Variants in FBXO36 observed in about 807,000 individuals in gnomAD.
FBXO36 encodes the protein F-box only protein 36.
In FBXO36, 18 loss-of-function variants were observed where a neutral mutation model predicts 17.0. The observed-to-expected ratio is 1.06, with a 90% CI of 0.73 to 1.57. The LOEUF (loss-of-function observed/expected upper bound fraction) is 1.57, where lower values mean the gene tolerates loss of function less well. Among genes scored for constraint, FBXO36 ranks in the 40% most tolerant of loss-of-function variants. FBXO36 has a pLI of 0.00. For missense variants in FBXO36, 229 were observed against 221.9 expected, an observed-to-expected ratio of 1.03 and a Z score of -0.20; for synonymous variants, 83 against 85.3, an observed-to-expected ratio of 0.97 and a Z score of 0.15.
At chr2:230,000,887 G>A (rs563624797) in intron 3 of FBXO36, among the ~76,000 whole-genome samples, 3 of 128,134 alleles carry the variant, frequency 2.3e-5, no homozygotes, top group African/African-American at 6.1e-5. Context: ...TCAGAGTCTC[G>A]CTCGGTCACC....
At chr2:230,008,469 G>C (rs191250376) in intron 3 of FBXO36, among the ~76,000 whole-genome samples, 1 of 151,978 alleles carries the variant, frequency 6.6e-6, no homozygotes, top group African/African-American at 2.4e-5. Flanking sequence ...TCAGGGTTTG[G>C]GAGTCATAGA....
chr2:229,935,916 G>C (rs1051441255), intron 1 of FBXO36, among the ~76,000 whole-genome samples: 2 of 152,168 alleles, frequency 1.3e-5, no homozygotes, highest in Admixed American at 6.6e-5. Flanking sequence ...GGCCAGGTGC[G>C]GTGGCTCACC....
chr2:229,996,574 T>C (rs1006965548), intron 2 of FBXO36, among the ~76,000 whole-genome samples, 177 bp from the exon 3 acceptor site: 1 of 152,144 alleles, frequency 6.6e-6, no homozygotes, highest in African/African-American at 2.4e-5. Context: ...TGGAAACAGA[T>C]GCCTCAAAAA....
chr2:229,999,144 T>TTGA (rs2077343971), intron 3 of FBXO36, among the ~76,000 whole-genome samples: 1 of 146,390 alleles, frequency 6.8e-6, no homozygotes, highest in Non-Finnish European at 1.5e-5. Flanking sequence ...TTTTTTTTTT[T>TTGA]GAGACAGAGT....
At chr2:229,970,524 T>A (rs943019667) in intron 1 of FBXO36, among the ~76,000 whole-genome samples, 1 of 152,180 alleles carries the variant, frequency 6.6e-6, no homozygotes, top group Non-Finnish European at 1.5e-5. Flanking sequence ...CTGACATGTT[T>A]ACAGCATCCT....
intron 1 of FBXO36, among the ~76,000 whole-genome samples, chr2:229,948,445 G>T (rs895391158): frequency 4.7e-5 from 7 of 149,336 alleles, no homozygotes; most frequent in Non-Finnish European, 7.4e-5. Context: ...ACCATTAGTT[G>T]CCCCCAATAT....
intron 1 of FBXO36, among the ~76,000 whole-genome samples, chr2:229,971,359 GA>G (rs1265894585): frequency 0.018 from 1,564 of 88,262 alleles, 14 homozygotes; most frequent in African/African-American, 0.039. Context: ...CATCTCAAAA[GA>G]AAAAAAAAAA....
chr2:230,009,103 G>C (rs756771955), intron 3 of FBXO36, among the ~76,000 whole-genome samples: 2 of 152,172 alleles, frequency 1.3e-5, no homozygotes, highest in Non-Finnish European at 2.9e-5. Flanking sequence ...ACTGCTTTCT[G>C]TTCAGAAGTG....
intron 1 of FBXO36, among the ~76,000 whole-genome samples, chr2:229,954,632 C>T (rs1416332042): frequency 6.7e-6 from 1 of 148,840 alleles, no homozygotes; most frequent in Non-Finnish European, 1.5e-5. Flanking sequence ...ACTGCAAGCT[C>T]CCCCTCCCAG....
chr2:229,924,991 A>G (rs1042309342), intron 1 of FBXO36, among the ~76,000 whole-genome samples: 19 of 152,118 alleles, frequency 1.2e-4, no homozygotes, highest in African/African-American at 4.1e-4. Flanking sequence ...GATGGTCTCT[A>G]TCTCCTGGCA....
chr2:230,006,105 G>GTTTTTTTTTTTT (rs577192144), intron 3 of FBXO36, among the ~76,000 whole-genome samples: 1 of 124,666 alleles, frequency 8.0e-6, no homozygotes, highest in African/African-American at 3.1e-5. Context: ...TTTTATTTTA[G>GTTTTTTTTTTTT]TTTTTTTTTT....
At chr2:229,960,722 C>T (rs2077116360) in intron 1 of FBXO36, among the ~76,000 whole-genome samples, 2 of 151,466 alleles carry the variant, frequency 1.3e-5, no homozygotes, top group Admixed American at 6.6e-5. Context: ...AGGCTGGTCT[C>T]AAACTTCTAG....
At chr2:229,940,484 G>T (rs536982729) in intron 1 of FBXO36, among the ~76,000 whole-genome samples, 1 of 152,282 alleles carries the variant, frequency 6.6e-6, no homozygotes, top group East Asian at 1.9e-4. Context: ...GTACATATAT[G>T]TTAGGGGCCG....
rs60093081 is a variant in FBXO36 at position 229,954,234 on chromosome 2, A to ATTTTTTTTTTTTTTTTTTTTTTT, written c.97-22003_97-21981dup. 1.2e-3 allele frequency among the ~76,000 whole-genome samples: 89 copies of ATTTTTTTTTTTTTTTTTTTTTTT among 71,400 alleles called. 25 individuals are homozygous for ATTTTTTTTTTTTTTTTTTTTTTT. The highest frequency in any genetic ancestry group is 1.9e-3 in the East Asian group (4 of 2,128). 46.8% of individuals were successfully genotyped at this position (71,400 alleles called of 152,430 possible). On this transcript the variant is annotated intron_variant, in intron 1 of 3. Coordinates refer to ENST00000283946, the MANE Select transcript of FBXO36 (RefSeq NM_174899.5). Reference sequence around the variant, plus strand: ...GCAACTGTCATTACAAACCCTTTGGATTTTTTTTTTTTTTTTTTTTTTTTT... The same window carrying ATTTTTTTTTTTTTTTTTTTTTTT: ...GCAACTGTCATTACAAACCCTTTGGATTTTTTTTTTTTTTTTTTTTTTTTTTTTTTTTTTTTTTTTTTTTTTTT...
chr2:229,988,018 C>T (rs1186797888), intron 2 of FBXO36, among the ~76,000 whole-genome samples: 1 of 152,138 alleles, frequency 6.6e-6, no homozygotes, highest in Non-Finnish European at 1.5e-5. Context: ...TGATAACTTG[C>T]GTCTTTATTC....
intron 3 of FBXO36, among the ~76,000 whole-genome samples, chr2:229,998,708 T>G (rs2077340938): frequency 6.6e-6 from 1 of 151,960 alleles, no homozygotes; most frequent in Admixed American, 6.6e-5. Flanking sequence ...GAGGATCACT[T>G]GAGCCCAGGA....
chr2:229,988,215 T>A (rs2077278970), intron 2 of FBXO36, among the ~76,000 whole-genome samples: 1 of 152,146 alleles, frequency 6.6e-6, no homozygotes, highest in Non-Finnish European at 1.5e-5. Flanking sequence ...TATAACGTAT[T>A]TTTTTAGATA....
chr2:229,970,517 A>G (rs543797696), intron 1 of FBXO36, among the ~76,000 whole-genome samples: 1 of 152,328 alleles, frequency 6.6e-6, no homozygotes, highest in South Asian at 2.1e-4. Flanking sequence ...TGTGAGCCTG[A>G]CATGTTTACA....
intron 2 of FBXO36, among the ~76,000 whole-genome samples, chr2:229,980,627 G>A (rs1449002799): frequency 2.0e-5 from 3 of 151,740 alleles, no homozygotes; most frequent in Non-Finnish European, 4.4e-5. Flanking sequence ...TCAAGCTCCT[G>A]ATAAGATACT....
Sources: allele counts gnomAD v4.1 joint callset (sites outside exome capture counted in the v4.1 genomes callset), GRCh38; gene constraint gnomAD v4.1.1; transcripts MANE v1.5; gene names NCBI Gene and HGNC (gene_info 2026-07-23, HGNC 2026-07-21).